Variants in CALN1 observed in about 807,000 individuals in gnomAD.
CALN1 encodes calneuron 1.
In CALN1, 17 loss-of-function variants were observed where a neutral mutation model predicts 30.6. The ratio of observed to expected loss-of-function variants is 0.56; its 90% CI spans 0.38 to 0.83. CALN1 has a LOEUF of 0.83. Ranked by LOEUF, CALN1 falls within the 40% of genes least tolerant of loss-of-function variation. The probability of loss-of-function intolerance (pLI) is 0.00; values close to 1 mark genes in which losing one functional copy is unlikely to be tolerated. For synonymous variants in CALN1, 156 were observed against 131.4 expected (o/e 1.19, Z -1.28); for missense variants, 291 against 354.9 (o/e 0.82, Z 1.45).
intron 5 of CALN1, 68 bp from the exon 6 acceptor site, chr7:71,810,560 C>A (rs940399082): frequency 2.0e-6 from 3 of 1,515,146 alleles, no homozygotes; most frequent in Non-Finnish European, 2.7e-6. Flanking sequence ...CGGGCCATGA[C>A]AGGCCAGACC....
chr7:72,127,913 C>G (rs1307748145), intron 3 of CALN1, among the ~76,000 whole-genome samples: 1 of 151,954 alleles, frequency 6.6e-6, no homozygotes, highest in African/African-American at 2.4e-5. Flanking sequence ...GAGAGAGAGA[C>G]TGATGTATTT....
At chr7:72,386,339 G>A (rs948450008) in intron 2 of CALN1, among the ~76,000 whole-genome samples, 1 of 152,202 alleles carries the variant, frequency 6.6e-6, no homozygotes, top group Non-Finnish European at 1.5e-5. Context: ...ACTCACTGAA[G>A]GGGTTCGGAG....
At chr7:72,147,158 A>C (rs1786817044) in intron 3 of CALN1, among the ~76,000 whole-genome samples, 1 of 152,214 alleles carries the variant, frequency 6.6e-6, no homozygotes, top group Admixed American at 6.5e-5. Flanking sequence ...CAGCAAAAGA[A>C]ACTACCATCA....
Position 72,367,007 on chromosome 7 carries a change from T to C in CALN1, c.119+36244A>G, listed in dbSNP as rs142827762. Among the ~76,000 whole-genome samples, 6 of 152,272 alleles carry C rather than the reference T, an allele frequency of 3.9e-5. No individual in the cohort carries two copies. In the East Asian group the frequency reaches 9.6e-4, roughly 24 times the overall value. On this transcript the variant is annotated intron_variant, in intron 2 of 6. Coordinates refer to ENST00000395275, the MANE Select transcript of CALN1 (RefSeq NM_031468.4). ...ATATACCACAACAATAGTGAATAAA[T>C]GACAACCTTCTACAACCACATGGAT...
chr7:72,116,552 C>T (rs1807996832), intron 3 of CALN1, among the ~76,000 whole-genome samples: 1 of 152,176 alleles, frequency 6.6e-6, no homozygotes, highest in South Asian at 2.1e-4. Flanking sequence ...CAGGAGGGGA[C>T]TGAGCTGGGG....
At chr7:72,122,054 C>T (rs2129542277) in intron 3 of CALN1, among the ~76,000 whole-genome samples, 1 of 151,982 alleles carries the variant, frequency 6.6e-6, no homozygotes. Flanking sequence ...CAGCCACAGG[C>T]ATCTTCTCAG....
At chr7:71,805,422 G>A (rs958136705) in intron 6 of CALN1, among the ~76,000 whole-genome samples, 4 of 152,138 alleles carry the variant, frequency 2.6e-5, no homozygotes, top group Non-Finnish European at 4.4e-5. Context: ...GGAGGATTCA[G>A]TTTAATGAGA....
At chr7:71,796,941 G>A (rs1431752232) in intron 6 of CALN1, among the ~76,000 whole-genome samples, 7 of 151,794 alleles carry the variant, frequency 4.6e-5, no homozygotes, top group Admixed American at 3.9e-4. Context: ...AAGCTCTAGC[G>A]ACAGACTGTT....
intron 3 of CALN1, among the ~76,000 whole-genome samples, chr7:72,183,530 TGAA>T (rs1789968635): frequency 2.0e-5 from 3 of 152,160 alleles, no homozygotes. Context: ...CGAGAAGTTA[TGAA>T]GAAGAGGAAT....
intron 2 of CALN1, among the ~76,000 whole-genome samples, chr7:72,333,067 A>G (rs1784535832): frequency 6.6e-6 from 1 of 152,106 alleles, no homozygotes; most frequent in Non-Finnish European, 1.5e-5. Flanking sequence ...AAGAACTCCA[A>G]ACTACCAGCT....
the CALN1 span, among the ~76,000 whole-genome samples, chr7:72,476,417 T>A: frequency 1.3e-5 from 2 of 152,198 alleles, no homozygotes; most frequent in Non-Finnish European, 2.9e-5. Flanking sequence ...ATTAGCATCA[T>A]GAGAACAGAT....
chr7:71,859,747 G>A (rs529808014), intron 5 of CALN1, among the ~76,000 whole-genome samples: 19 of 152,334 alleles, frequency 1.2e-4, no homozygotes, highest in Admixed American at 9.8e-4. Flanking sequence ...ATCCATCACT[G>A]TTAGTTCTTT....
chr7:72,247,743 C>A (rs1476795231), intron 3 of CALN1, among the ~76,000 whole-genome samples: 7 of 152,158 alleles, frequency 4.6e-5, no homozygotes, highest in Non-Finnish European at 1.0e-4. Flanking sequence ...GCAATCCCAA[C>A]ACTTTGGGAA....
the CALN1 span, among the ~76,000 whole-genome samples, chr7:72,464,387 T>G: frequency 6.6e-6 from 1 of 152,184 alleles, no homozygotes; most frequent in East Asian, 1.9e-4. Flanking sequence ...CTGACCTGAC[T>G]TCAAAACCTG....
At chr7:72,472,209 A>G in the CALN1 span, among the ~76,000 whole-genome samples, 2,625 of 152,286 alleles carry the variant, frequency 0.017, 36 homozygotes, top group Non-Finnish European at 0.028. Flanking sequence ...TTTCTCAGCC[A>G]TAGTCACCAA....
chr7:71,852,222 G>A (rs1330678556), intron 5 of CALN1, among the ~76,000 whole-genome samples: 1 of 152,020 alleles, frequency 6.6e-6, no homozygotes, highest in Non-Finnish European at 1.5e-5. Flanking sequence ...TTGCTATTAC[G>A]ATCAAGACTC....
At chr7:72,208,151 T>G (rs779694529) in intron 3 of CALN1, among the ~76,000 whole-genome samples, 1 of 152,254 alleles carries the variant, frequency 6.6e-6, no homozygotes, top group Non-Finnish European at 1.5e-5. Flanking sequence ...GGCATTCACT[T>G]ATTTTAATTT....
At chr7:72,121,305 A>G (rs1368942944) in intron 3 of CALN1, among the ~76,000 whole-genome samples, 2 of 143,238 alleles carry the variant, frequency 1.4e-5, no homozygotes, top group Non-Finnish European at 3.0e-5. Context: ...ATAATTTATA[A>G]ATTAAGTGAA....
intron 2 of CALN1, among the ~76,000 whole-genome samples, chr7:72,288,581 C>A (rs926511477): frequency 2.0e-5 from 3 of 152,156 alleles, no homozygotes; most frequent in Non-Finnish European, 4.4e-5. Flanking sequence ...ATTTACAGAT[C>A]CACCATTAGT....
Sources: gnomAD v4.1 joint callset for allele counts (sites outside exome capture counted in the v4.1 genomes callset) on GRCh38, gnomAD v4.1.1 for gene constraint, MANE v1.5 for transcripts, NCBI Gene and HGNC (gene_info 2026-07-23, HGNC 2026-07-21) for gene names.